GNB2: variants seen among roughly 807,000 people sequenced by gnomAD.
The protein encoded by GNB2 is G protein subunit beta 2.
GNB2 carries 7 observed loss-of-function variants against 40.7 expected under a neutral mutation model. The ratio of observed to expected loss-of-function variants is 0.17; its 90% CI spans 0.10 to 0.32. GNB2 has a LOEUF of 0.32. Among genes scored for constraint, GNB2 ranks in the 10% least tolerant of loss-of-function variants. The pLI is 1.00. For synonymous variants in GNB2, 254 were observed against 191.2 expected (o/e 1.33, Z -2.71); for missense variants, 286 against 473.0 (o/e 0.60, Z 3.67).
At position 100,678,885 on chromosome 7, in the gene GNB2, C is replaced by G. The variant is rs998448601; in HGVS notation, c.*84C>G. On this transcript the variant is annotated 3_prime_UTR_variant, in exon 10 of 10. Transcript: ENST00000303210. ...GCCAGGGCTGCGGGGCTGGCGCAAT[C>G]CCAGCCCCCTTCCCCGGGCCACGGG... 2 of 1,074,910 alleles carry G rather than the reference C, an allele frequency of 1.9e-6. No homozygotes were observed. The highest frequency in any genetic ancestry group is 2.5e-5 in the East Asian group (1 of 40,712). 66.6% of individuals were successfully genotyped at this position (1,074,910 alleles called of 1,614,324 possible).
intron 5 of GNB2, 26 bp downstream of exon 5, chr7:100,677,441 G>T (rs1232647533): frequency 6.2e-7 from 1 of 1,613,112 alleles, no homozygotes; most frequent in Admixed American, 1.7e-5. Flanking sequence ...CTGCGGGGTG[G>T]GGCAGGGCCA....
intron 8 of GNB2, 23 bp downstream of exon 8, chr7:100,678,322 C>T: frequency 6.2e-7 from 1 of 1,606,184 alleles, no homozygotes. Flanking sequence ...GCGAGCTAGG[C>T]CAGGCCCTCC....
rs139214321 is a variant in GNB2 at position 100,678,190 on chromosome 7, G to A, written c.590G>A (p.Arg197His). ...TCCCTGTCCCTGGCCCCCGATGGCC[G>A]CACGTTTGTGTCAGGCGCCTGTGAT... Reference protein sequence around the residue: ...VMSLSLAPDGRTFVSGACDAS... With the variant: ...VMSLSLAPDGHTFVSGACDAS... Residue 197 changes from arginine (R) to histidine (H), a missense_variant, in exon 8 of 10, where the codon CGC becomes CAC. Arg to His is a conservative substitution (Grantham distance 29). Coordinates refer to ENST00000303210, the MANE Select transcript of GNB2 (RefSeq NM_005273.4). 1.2e-4 allele frequency: 197 copies of A among 1,613,392 alleles called. No individual in the cohort carries two copies. Among genetic ancestry groups the A allele is most frequent in the East Asian group, 2.0e-4 (9 of 44,902 alleles).
rs1411188891 is a variant in GNB2 at position 100,674,151 on chromosome 7, G to T, written c.-90+228G>T. Among the ~76,000 whole-genome samples the T allele has an allele frequency of 5.3e-5, 8 of 152,036 alleles. No individual in the cohort carries two copies. In the Middle Eastern group the frequency reaches 0.01, roughly 194 times the overall value. On this transcript the variant is annotated intron_variant, in intron 1 of 9. Transcript: ENST00000303210. ...TCCCCGCACCATCAGCGAAGTTTTT[G>T]CCCGACCCCAGACCCCAGCCCAGCC...
chr7:100,678,330 T>C (rs759487978), intron 8 of GNB2, 31 bp downstream of exon 8: 41 of 1,604,108 alleles, frequency 2.6e-5, no homozygotes, highest in Non-Finnish European at 3.3e-5. Flanking sequence ...GGCCAGGCCC[T>C]CCCCACCAGG....
At chr7:100,676,464 T>C in intron 2 of GNB2, 71 bp from the exon 3 acceptor site, 1 of 1,395,750 alleles carries the variant, frequency 7.2e-7, no homozygotes, top group South Asian at 1.2e-5. Context: ...TCCTGTCTTC[T>C]GTTCTCTTCT....
chr7:100,676,905 C>T (rs917360528), intron 4 of GNB2, 106 bp downstream of exon 4: 7 of 671,200 alleles, frequency 1.0e-5, no homozygotes, highest in African/African-American at 9.1e-5. Flanking sequence ...ACCCAGCGTA[C>T]GTCTGGAAAA....
chr7:100,678,186 G>A lies in GNB2; in HGVS notation c.586G>A (p.Gly196Ser). 6.2e-7 allele frequency: 1 copy of A among 1,613,952 alleles called. No homozygotes were observed. Among genetic ancestry groups the A allele is most frequent in the Non-Finnish European group, 8.5e-7 (1 of 1,179,808 alleles). Residue 196 changes from glycine to serine, a missense_variant, in exon 8 of 10, where the codon GGC becomes AGC. Physicochemically the swap from Gly to Ser is moderately conservative, Grantham distance 56 (BLOSUM62 0). Coordinates refer to ENST00000303210, the MANE Select transcript of GNB2 (RefSeq NM_005273.4). ...DVMSLSLAPD[G>S]RTFVSGACDA... Reference sequence around the variant, plus strand: ...GATGTCCCTGTCCCTGGCCCCCGATGGCCGCACGTTTGTGTCAGGCGCCTG... The same window carrying A: ...GATGTCCCTGTCCCTGGCCCCCGATAGCCGCACGTTTGTGTCAGGCGCCTG...
rs765605140 is a variant in GNB2, at chr7:100,677,336, C to T, written c.204-16C>T. 3.7e-6 allele frequency: 6 copies of T among 1,610,696 alleles called. No homozygotes were observed. Among genetic ancestry groups the T allele is most frequent in the South Asian group, 3.3e-5 (3 of 91,016 alleles). On this transcript the variant is annotated splice_polypyrimidine_tract_variant and intron_variant, in intron 4 of 9. Transcript: ENST00000303210. ...TCACGCCACCCTTCTGCTCTCCCTA[C>T]ACCGTTCCCCACCAGGCTGCTGGTC... is the stretch of plus-strand genomic sequence containing the variant.
chr7:100,678,558 C>T lies in GNB2; in HGVS notation c.860C>T (p.Ala287Val). ...TCGCGCAGCGGACGGCTGCTGCTCGCTGGCTACGACGACTTCAACTGCAAC... is the reference window on the plus strand; with the variant it reads ...TCGCGCAGCGGACGGCTGCTGCTCGTTGGCTACGACGACTTCAACTGCAAC... Reference protein sequence around the residue: ...AFSRSGRLLLAGYDDFNCNIW... With the variant: ...AFSRSGRLLLVGYDDFNCNIW... The change falls in exon 9 of 10, where the codon GCT (alanine) becomes GTT (valine). Residue 287 changes from alanine to valine, a missense_variant. Coordinates refer to ENST00000303210, the MANE Select transcript of GNB2 (RefSeq NM_005273.4). 1 of 1,613,864 alleles carries T rather than the reference C, an allele frequency of 6.2e-7. No homozygotes were observed. The highest frequency in any genetic ancestry group is 8.5e-7 in the Non-Finnish European group (1 of 1,180,000).
intron 2 of GNB2, 87 bp downstream of exon 2, chr7:100,676,409 G>T: frequency 7.7e-7 from 1 of 1,294,264 alleles, no homozygotes; most frequent in Non-Finnish European, 1.1e-6. Flanking sequence ...GTGGGGGAAG[G>T]GGGAGGGAGG....
chr7:100,675,171 G>C (rs1381166175), intron 1 of GNB2: 1 of 150,624 alleles, frequency 6.6e-6, no homozygotes, highest in African/African-American at 2.4e-5. Flanking sequence ...CTGCGGGCTG[G>C]GCCCCCCGGG....
intron 1 of GNB2, among the ~76,000 whole-genome samples, chr7:100,674,924 C>T (rs1804317080): frequency 6.6e-6 from 1 of 152,198 alleles, no homozygotes; most frequent in Non-Finnish European, 1.5e-5. Flanking sequence ...CCCCCCATCC[C>T]CCGATTTTGA....
intron 6 of GNB2, 27 bp downstream of exon 6, chr7:100,677,687 C>A: frequency 6.2e-7 from 1 of 1,613,140 alleles, no homozygotes; most frequent in Non-Finnish European, 8.5e-7. Flanking sequence ...AGTTCGGGCC[C>A]TTTTTGGGGT....
chr7:100,677,473 C>T (rs778567251), intron 5 of GNB2, 25 bp from the exon 6 acceptor site: 8 of 1,613,040 alleles, frequency 5.0e-6, no homozygotes, highest in East Asian at 4.5e-5. Context: ...CTGGCTCTGA[C>T]CCCGGCGCTT....
At chr7:100,674,744 G>T (rs1291644750) in intron 1 of GNB2, among the ~76,000 whole-genome samples, 1 of 152,126 alleles carries the variant, frequency 6.6e-6, no homozygotes, top group African/African-American at 2.4e-5. Context: ...GCCCTGGGGG[G>T]TGATGGGGAC....
Position 100,676,366 on chromosome 7 carries a change from C to A in GNB2, c.57+44C>A, listed in dbSNP as rs747577659. 6.1e-6 allele frequency: 9 copies of A among 1,466,456 alleles called. No individual in the cohort carries two copies. In the South Asian group the frequency reaches 7.0e-5, roughly 11 times the overall value. 90.8% of individuals were successfully genotyped at this position (1,466,456 alleles called of 1,614,324 possible). On this transcript the variant is annotated intron_variant, in intron 2 of 9. Coordinates refer to ENST00000303210, the MANE Select transcript of GNB2 (RefSeq NM_005273.4). ...GCGGGCGATTCATGTGTACACCGCCCGGTGCCCTGGACCGGGTTGGGTGAG... is the reference window on the plus strand; with the variant it reads ...GCGGGCGATTCATGTGTACACCGCCAGGTGCCCTGGACCGGGTTGGGTGAG...
At chr7:100,673,969 T>A (rs1427742251) in intron 1 of GNB2, 46 bp downstream of exon 1, 2 of 157,922 alleles carry the variant, frequency 1.3e-5, no homozygotes, top group Non-Finnish European at 2.8e-5. Context: ...CAGCCCCAAT[T>A]TCCCCCAGGG....
intron 2 of GNB2, 38 bp from the exon 3 acceptor site, chr7:100,676,497 C>T: frequency 6.4e-7 from 1 of 1,573,118 alleles, no homozygotes; most frequent in South Asian, 1.1e-5. Flanking sequence ...CCCAACCTGT[C>T]TTCTCTCGCG....
Sources: gnomAD v4.1 joint callset for allele counts (sites outside exome capture counted in the v4.1 genomes callset) on GRCh38, gnomAD v4.1.1 for gene constraint, MANE v1.5 for transcripts, NCBI Gene and HGNC (gene_info 2026-07-23, HGNC 2026-07-21) for gene names.